The following CUL2 variants were observed in gnomAD, a reference collection of about 807,000 sequenced individuals.
CUL2 encodes the protein cullin-2.
CUL2 carries 22 observed loss-of-function variants against 110.2 expected under a neutral mutation model. That is an observed-to-expected ratio of 0.20 (90% CI 0.14 to 0.28). CUL2 has a LOEUF of 0.28. CUL2 is among the 10% of genes least tolerant of loss of function. The pLI, the probability that CUL2 is intolerant of heterozygous loss-of-function variation, is 1.00. For missense variants in CUL2, 631 were observed against 905.5 expected (o/e 0.70, Z 3.89); for synonymous variants, 279 against 293.2 (o/e 0.95, Z 0.49).
At chr10:35,034,832 T>C (rs991659316) in intron 10 of CUL2, among the ~76,000 whole-genome samples, 3 of 152,178 alleles carry the variant, frequency 2.0e-5, no homozygotes, top group African/African-American at 7.2e-5. Flanking sequence ...TTACCACTGA[T>C]TAATACTACT....
intron 2 of CUL2, among the ~76,000 whole-genome samples, chr10:35,064,789 TGCCTCGGCCTC>T (rs780237474): frequency 1.3e-5 from 2 of 152,164 alleles, no homozygotes; most frequent in Non-Finnish European, 2.9e-5. Context: ...GCAATCCTTC[TGCCTCGGCCTC>T]CCAAAGTGCT....
intron 1 of CUL2, among the ~76,000 whole-genome samples, chr10:35,079,205 G>C (rs554075001): frequency 8.9e-4 from 135 of 152,302 alleles, no homozygotes; most frequent in Middle Eastern, 3.4e-3. Context: ...TATAATAAAA[G>C]TTACATGACC....
rs190156069 is a variant in CUL2 at position 35,053,069 on chromosome 10, C to T, written c.423+1365G>A. ...TAGAACTTTATGTGTGCCGTTTTAT[C>T]GCAGTTTGAAAAATAAAATCAAAAC... On this transcript the variant is annotated intron_variant, in intron 5 of 20. Transcript: ENST00000374749. Among the ~76,000 whole-genome samples the T allele has an allele frequency of 5.1e-3, 766 of 151,626 alleles. 48 individuals are homozygous for T. The South Asian group carries it at 0.13, about 27-fold the overall frequency.
chr10:35,106,016 G>A (rs1238372737), intron 1 of CUL2, among the ~76,000 whole-genome samples: 1 of 152,160 alleles, frequency 6.6e-6, no homozygotes, highest in Non-Finnish European at 1.5e-5. Context: ...ACAAAAATGT[G>A]TAGGTGCTAT....
At chr10:35,113,939 A>C (rs1160586955) in intron 1 of CUL2, among the ~76,000 whole-genome samples, 2 of 149,288 alleles carry the variant, frequency 1.3e-5, no homozygotes, top group Non-Finnish European at 3.0e-5. Flanking sequence ...ACAGAGTCTC[A>C]CTCTGTCGCT....
chr10:35,126,686 G>A (rs944053714), upstream of CUL2: 1 of 152,766 alleles, frequency 6.5e-6, no homozygotes, highest in Non-Finnish European at 1.5e-5. Flanking sequence ...GGCGCGGCAC[G>A]GGCAGCTTCC....
intron 1 of CUL2, among the ~76,000 whole-genome samples, chr10:35,117,446 T>C (rs1020811818): frequency 6.6e-6 from 1 of 152,064 alleles, no homozygotes; most frequent in African/African-American, 2.4e-5. Flanking sequence ...CCCAGTCTGG[T>C]CTTGAACTCC....
chr10:35,114,891 G>A (rs2087573697), intron 1 of CUL2, among the ~76,000 whole-genome samples: 2 of 152,010 alleles, frequency 1.3e-5, no homozygotes, highest in Admixed American at 6.6e-5. Context: ...TGAATTTGAC[G>A]ACACCAATAT....
intron 1 of CUL2, among the ~76,000 whole-genome samples, chr10:35,104,328 C>T (rs1314808832): frequency 6.6e-6 from 1 of 152,116 alleles, no homozygotes; most frequent in Non-Finnish European, 1.5e-5. Flanking sequence ...CATTTGTAGT[C>T]TTAGTTACTC....
chr10:35,045,481 A>G (rs1324241797), intron 6 of CUL2, among the ~76,000 whole-genome samples: 3 of 143,718 alleles, frequency 2.1e-5, no homozygotes, highest in Non-Finnish European at 4.5e-5. Flanking sequence ...CTGGAGGCTG[A>G]GGTGGGATGA....
At chr10:35,092,592 C>G (rs1258967344), upstream of CUL2, among the ~76,000 whole-genome samples, 2 of 152,180 alleles carry the variant, frequency 1.3e-5, no homozygotes, top group East Asian at 3.8e-4. Flanking sequence ...GACTTACAGG[C>G]TGAACTACCT....
intron 2 of CUL2, among the ~76,000 whole-genome samples, chr10:35,070,272 G>A (rs548793661): frequency 6.6e-6 from 1 of 152,214 alleles, no homozygotes; most frequent in African/African-American, 2.4e-5. Flanking sequence ...GAACATAGTT[G>A]GCTTAACAAA....
intron 1 of CUL2, among the ~76,000 whole-genome samples, chr10:35,108,522 A>G (rs1475964893): frequency 6.6e-6 from 1 of 152,112 alleles, no homozygotes; most frequent in Non-Finnish European, 1.5e-5. Flanking sequence ...TGGGAAAGAC[A>G]GGGAGAAATG....
chr10:35,014,194 TTTTAC>T (rs2084971750), intron 18 of CUL2, among the ~76,000 whole-genome samples: 1 of 152,204 alleles, frequency 6.6e-6, no homozygotes, highest in Non-Finnish European at 1.5e-5. Context: ...CCACATTTTT[TTTTAC>T]AAATGCCGCA....
chr10:35,031,284 T>A lies in CUL2; in HGVS notation c.1386+16A>T, dbSNP rs772809003. 175 of 1,514,652 alleles carry A rather than the reference T, an allele frequency of 1.2e-4. No individual in the cohort carries two copies. Among genetic ancestry groups the A allele is most frequent in the Non-Finnish European group, 1.5e-4 (170 of 1,108,428 alleles). The allele number at this position is 1,514,652 out of a possible 1,614,324, so 93.8% of individuals were successfully genotyped here. ...ATGAATTTCTAGGACAATACCACAT[T>A]AAAGACTTACATTACCTTTAATTTG... On this transcript the variant is annotated intron_variant, in intron 14 of 20. Transcript: ENST00000374749. The surrounding 1 kb of genome is among the most constrained non-coding windows in gnomAD (Gnocchi z 4.4).
intron 6 of CUL2, among the ~76,000 whole-genome samples, chr10:35,045,612 G>A (rs1226922035): frequency 6.6e-6 from 1 of 151,840 alleles, no homozygotes; most frequent in Admixed American, 6.6e-5. Flanking sequence ...CTACTCTGGA[G>A]GCTGAGGTGG....
At chr10:35,032,611 T>A in intron 11 of CUL2, 117 bp from the exon 12 acceptor site, 1 of 665,814 alleles carries the variant, frequency 1.5e-6, no homozygotes, top group Non-Finnish European at 2.5e-6. Flanking sequence ...AACACAGCAT[T>A]GCCGGTAGTT....
At chr10:35,087,986 C>A (rs1453115536) in intron 1 of CUL2, among the ~76,000 whole-genome samples, 1 of 152,174 alleles carries the variant, frequency 6.6e-6, no homozygotes, top group Non-Finnish European at 1.5e-5. Context: ...TTTGATAGCA[C>A]CTCAGGGTTT....
At chr10:35,025,228 T>C (rs935572491) in intron 16 of CUL2, 30 bp from the exon 17 acceptor site, 7 of 1,545,324 alleles carry the variant, frequency 4.5e-6, no homozygotes, top group Non-Finnish European at 6.1e-6. Context: ...ACACACATTA[T>C]TTTTAGCTAC....
Sources: gnomAD v4.1 joint callset for allele counts (sites outside exome capture counted in the v4.1 genomes callset) on GRCh38, gnomAD v4.1.1 for gene constraint, Gnocchi (gnomAD v3.1) non-coding constraint, MANE v1.5 for transcripts, NCBI Gene and HGNC (gene_info 2026-07-23, HGNC 2026-07-21) for gene names.